MID2: variants seen among roughly 807,000 people sequenced by gnomAD.
MID2 encodes probable E3 ubiquitin-protein ligase MID2.
Under a neutral mutation model 46.1 loss-of-function variants are expected in MID2, and 13 were observed. The ratio of observed to expected loss-of-function variants is 0.28; its 90% CI spans 0.18 to 0.45. MID2 has a LOEUF of 0.45. Ranked by LOEUF, MID2 falls within the 20% of genes least tolerant of loss-of-function variation. The probability of loss-of-function intolerance (pLI) is 1.00; values close to 1 mark genes in which losing one functional copy is unlikely to be tolerated. For missense variants in MID2, 431 were observed against 575.4 expected, an observed-to-expected ratio of 0.75 and a Z score of 2.57; for synonymous variants, 199 against 212.3, an observed-to-expected ratio of 0.94 and a Z score of 0.55.
At position 107,926,714 on chromosome X, in the gene MID2, T is replaced by C. The variant is rs760038458; in HGVS notation, c.1849T>C (p.Trp617Arg). 1.7e-6 allele frequency: 2 copies of C among 1,211,023 alleles called. No homozygotes were observed. Among genetic ancestry groups the C allele is most frequent in the South Asian group, 1.8e-5 (1 of 56,934 alleles). ...CTACAAATCAGCTCCAAAGAATGAA[T>C]GGATTGGCAAGAATGCCTCCTCATG... ...IAYKSAPKNE[W>R]IGKNASSWVF... The change falls in exon 10 of 10, where the codon TGG becomes CGG. Residue 617 changes from tryptophan (W) to arginine (R), a missense_variant. Trp to Arg is a moderately radical substitution (Grantham distance 101). Transcript: ENST00000262843.
At chrX:107,908,572 G>T (rs777971900) in intron 5 of MID2, among the ~76,000 whole-genome samples, 2 of 110,110 alleles carry the variant, frequency 1.8e-5, no homozygotes, top group African/African-American at 3.3e-5. Context: ...TTTAAAAAAT[G>T]TCTTCCATAT....
intron 5 of MID2, among the ~76,000 whole-genome samples, chrX:107,910,768 TTTTCCTTTCCTTTCCTTTCC>T (rs1556378040): frequency 1.0e-4 from 2 of 20,002 alleles, no homozygotes; most frequent in African/African-American, 1.5e-4. Context: ...CTGTTATAGA[TTTTCCTTTCCTTTCCTTTCC>T]TTTCCTTTCC....
At chrX:107,829,904 T>C (rs2147819755) in intron 1 of MID2, among the ~76,000 whole-genome samples, 1 of 112,323 alleles carries the variant, frequency 8.9e-6, no homozygotes, top group East Asian at 2.8e-4. Flanking sequence ...ATGGTGCAAA[T>C]TGATTTAGAT....
intron 3 of MID2, 79 bp from the exon 4 acceptor site, chrX:107,903,879 G>C: frequency 1.5e-6 from 1 of 661,409 alleles, no homozygotes. Flanking sequence ...TGCATGCTTA[G>C]CTGTCAGTCC....
intron 3 of MID2, among the ~76,000 whole-genome samples, chrX:107,874,707 T>C (rs1037883615): frequency 3.6e-5 from 4 of 112,075 alleles, no homozygotes; most frequent in Non-Finnish European, 7.5e-5. Context: ...TTAGGTGATA[T>C]AAGGGACAAA....
chrX:107,890,082 A>C (rs1932563466), intron 3 of MID2, among the ~76,000 whole-genome samples: 1 of 111,052 alleles, frequency 9.0e-6, no homozygotes, highest in Non-Finnish European at 1.9e-5. Context: ...TTTAGCTCGG[A>C]GTAGTTTGAT....
At chrX:107,873,799 C>A (rs1444885556) in intron 3 of MID2, among the ~76,000 whole-genome samples, 2 of 111,045 alleles carry the variant, frequency 1.8e-5, no homozygotes, top group South Asian at 7.8e-4. Flanking sequence ...TGAGAAAAAC[C>A]GAGGATAATA....
chrX:107,839,938 AT>A (rs1416407168), intron 1 of MID2, among the ~76,000 whole-genome samples: 1 of 112,165 alleles, frequency 8.9e-6, no homozygotes, highest in Non-Finnish European at 1.9e-5. Context: ...GTTTGAAATC[AT>A]TCCCCATTCA....
intron 1 of MID2, among the ~76,000 whole-genome samples, chrX:107,836,288 C>T (rs993130863): frequency 1.8e-5 from 2 of 110,636 alleles, no homozygotes; most frequent in Non-Finnish European, 3.8e-5. Context: ...CGGAGCCTCG[C>T]TCTGTTGCCA....
intron 8 of MID2, 104 bp downstream of exon 8, chrX:107,924,608 A>G: frequency 2.3e-6 from 2 of 885,146 alleles, no homozygotes; most frequent in South Asian, 4.7e-5. Context: ...GAGCAGTGGT[A>G]CTGGGTAGAG....
chrX:107,864,215 T>C (rs750339671), intron 3 of MID2, among the ~76,000 whole-genome samples: 1 of 111,971 alleles, frequency 8.9e-6, no homozygotes, highest in South Asian at 3.8e-4. Context: ...TAAATAGCTC[T>C]AGCTCTAGAA....
intron 2 of MID2, among the ~76,000 whole-genome samples, chrX:107,848,120 G>T (rs1295708783): frequency 9.0e-6 from 1 of 111,404 alleles, no homozygotes; most frequent in African/African-American, 3.3e-5. Context: ...CAGCGTGGTG[G>T]TAGAGCCATG....
At position 107,927,325 on chromosome X, in the gene MID2, G is replaced by T. The variant is rs1311635548; in HGVS notation, c.*252G>T. 1 of 274,052 alleles carries T rather than the reference G, an allele frequency of 3.6e-6. No homozygotes were observed. The highest frequency in any genetic ancestry group is 2.8e-5 in the African/African-American group (1 of 35,729). The allele number at this position is 274,052 out of a possible 1,213,427, so 22.6% of individuals were successfully genotyped here. A position where few individuals can be genotyped will look rare whatever the true frequency, so the allele number is the denominator to read the frequency against. ...GAAAAATTTAGAAAATGCCTCTGTT[G>T]TCATTGGAGAATTAAAAATTCCCAA... On this transcript the variant is annotated 3_prime_UTR_variant, in exon 10 of 10. Coordinates refer to ENST00000262843, the MANE Select transcript of MID2 (RefSeq NM_012216.4).
At chrX:107,827,360 C>T (rs1251511561) in intron 1 of MID2, among the ~76,000 whole-genome samples, 1 of 110,958 alleles carries the variant, frequency 9.0e-6, no homozygotes, top group Non-Finnish European at 1.9e-5. Context: ...GCCCCTTGGA[C>T]CCCAGCCTTT....
intron 5 of MID2, among the ~76,000 whole-genome samples, chrX:107,908,286 C>A (rs988904242): frequency 2.7e-5 from 3 of 111,609 alleles, no homozygotes; most frequent in African/African-American, 6.5e-5. Flanking sequence ...TTTTATGCCA[C>A]TTCCTTCCTC....
intron 2 of MID2, among the ~76,000 whole-genome samples, chrX:107,852,795 A>T (rs1931656808): frequency 8.9e-6 from 1 of 112,029 alleles, no homozygotes; most frequent in African/African-American, 3.2e-5. Flanking sequence ...GGGGCCAAGT[A>T]CACAAATCTC....
chrX:107,920,008 C>G (rs958527226), intron 7 of MID2, among the ~76,000 whole-genome samples: 24 of 112,243 alleles, frequency 2.1e-4, no homozygotes, highest in African/African-American at 6.8e-4. Flanking sequence ...TCACAGCCTG[C>G]CTTCTATTTC....
chrX:107,875,846 T>G (rs1800473952), intron 3 of MID2, among the ~76,000 whole-genome samples: 1 of 111,793 alleles, frequency 8.9e-6, no homozygotes, highest in African/African-American at 3.3e-5. Context: ...CCAACCCCAG[T>G]GTCCAAAAGG....
intron 3 of MID2, among the ~76,000 whole-genome samples, chrX:107,856,888 C>T (rs1016324566): frequency 3.6e-5 from 4 of 111,909 alleles, no homozygotes; most frequent in South Asian, 3.8e-4. Flanking sequence ...TTGCTAAATC[C>T]GATCATGTAA....
Sources: gnomAD v4.1 joint callset for allele counts (sites outside exome capture counted in the v4.1 genomes callset) on GRCh38, gnomAD v4.1.1 for gene constraint, MANE v1.5 for transcripts, NCBI Gene and HGNC (gene_info 2026-07-23, HGNC 2026-07-21) for gene names.